Variants in PRKCH observed in about 807,000 individuals in gnomAD.
PRKCH encodes the protein protein kinase C eta type.
PRKCH carries 28 observed loss-of-function variants against 82.5 expected under a neutral mutation model. The ratio of observed to expected loss-of-function variants is 0.34; its 90% CI spans 0.25 to 0.47. The LOEUF (loss-of-function observed/expected upper bound fraction) is 0.47. Ranked by LOEUF, PRKCH falls within the 20% of genes least tolerant of loss-of-function variation. The probability of loss-of-function intolerance (pLI) is 1.00; values close to 1 mark genes in which losing one functional copy is unlikely to be tolerated. For missense variants in PRKCH, 705 were observed against 881.8 expected, an observed-to-expected ratio of 0.80 and a Z score of 2.54; for synonymous variants, 322 against 327.4, an observed-to-expected ratio of 0.98 and a Z score of 0.18.
intron 13 of PRKCH, among the ~76,000 whole-genome samples, chr14:61,549,223 T>C (rs547923539): frequency 6.6e-6 from 1 of 152,316 alleles, no homozygotes; most frequent in East Asian, 1.9e-4. Context: ...AGCTCAGCAC[T>C]TGCAAGAAAT....
At chr14:61,211,483 G>C (rs1472225331) in intron 1 of PRKCH, among the ~76,000 whole-genome samples, 7 of 152,162 alleles carry the variant, frequency 4.6e-5, no homozygotes, top group Non-Finnish European at 1.0e-4. Flanking sequence ...TGGATTGAAA[G>C]TGCCAAGAAA....
At chr14:61,301,271 G>A (rs1295147272) in intron 1 of PRKCH, among the ~76,000 whole-genome samples, 1 of 152,094 alleles carries the variant, frequency 6.6e-6, no homozygotes, top group Non-Finnish European at 1.5e-5. Flanking sequence ...AAATCTGGAA[G>A]GATGAATCAG....
At chr14:61,535,198 A>G (rs1181306163) in intron 12 of PRKCH, among the ~76,000 whole-genome samples, 3 of 152,206 alleles carry the variant, frequency 2.0e-5, no homozygotes, top group Admixed American at 1.3e-4. Context: ...TGGGTTCTGC[A>G]ATACTCAGGT....
chr14:61,421,746 T>C (rs1882844882), intron 2 of PRKCH, among the ~76,000 whole-genome samples: 1 of 152,312 alleles, frequency 6.6e-6, no homozygotes. Flanking sequence ...ATTGGTGATA[T>C]CCCCTAACCC....
At chr14:61,300,122 C>G (rs2045437939) in intron 1 of PRKCH, among the ~76,000 whole-genome samples, 1 of 152,090 alleles carries the variant, frequency 6.6e-6, no homozygotes, top group Non-Finnish European at 1.5e-5. Context: ...TTTCCTTTCT[C>G]TTTTCTATTT....
intron 1 of PRKCH, among the ~76,000 whole-genome samples, chr14:61,388,170 AAAG>A (rs2046618293): frequency 1.3e-5 from 2 of 149,368 alleles, no homozygotes; most frequent in Admixed American, 1.3e-4. Flanking sequence ...AAAAAAAAAG[AAAG>A]AAATCCCCAT....
chr14:61,540,005 A>C (rs1206279766), intron 12 of PRKCH, among the ~76,000 whole-genome samples: 1 of 152,226 alleles, frequency 6.6e-6, no homozygotes, highest in Non-Finnish European at 1.5e-5. Flanking sequence ...TTCTCCCTGA[A>C]ATTATTTCTC....
chr14:61,349,372 G>T (rs1305432889), intron 1 of PRKCH, among the ~76,000 whole-genome samples: 1 of 152,084 alleles, frequency 6.6e-6, no homozygotes, highest in East Asian at 1.9e-4. Flanking sequence ...GGTAGATATT[G>T]TGCCCCATTT....
intron 10 of PRKCH, among the ~76,000 whole-genome samples, chr14:61,513,174 C>G (rs897798140): frequency 1.3e-5 from 2 of 152,216 alleles, no homozygotes; most frequent in Non-Finnish European, 2.9e-5. Flanking sequence ...CCACCACGCG[C>G]AGAACTTTAC....
chr14:61,238,612 T>G (rs1365911529), intron 1 of PRKCH, among the ~76,000 whole-genome samples: 2 of 152,178 alleles, frequency 1.3e-5, no homozygotes, highest in African/African-American at 4.8e-5. Flanking sequence ...ATTTCCACCT[T>G]GCTCAGACAA....
At chr14:61,282,680 A>C (rs1373704891) in intron 1 of PRKCH, among the ~76,000 whole-genome samples, 3 of 152,210 alleles carry the variant, frequency 2.0e-5, no homozygotes, top group Non-Finnish European at 2.9e-5. Context: ...TCAAGTATCA[A>C]ATTGCATTCT....
At chr14:61,392,470 C>T (rs1475528010) in intron 2 of PRKCH, among the ~76,000 whole-genome samples, 4 of 152,126 alleles carry the variant, frequency 2.6e-5, no homozygotes, top group African/African-American at 9.7e-5. Context: ...GAAATTATAT[C>T]CTGTGGGTAA....
At chr14:61,471,200 G>A (rs1885486925) in intron 9 of PRKCH, among the ~76,000 whole-genome samples, 1 of 152,270 alleles carries the variant, frequency 6.6e-6, no homozygotes, top group African/African-American at 2.4e-5. Context: ...CTGCCCCAAG[G>A]CAGCAATCAT....
intron 1 of PRKCH, among the ~76,000 whole-genome samples, chr14:61,336,780 T>A (rs886068824): frequency 6.6e-6 from 1 of 152,100 alleles, no homozygotes; most frequent in Admixed American, 6.6e-5. Context: ...TAAAAGTACG[T>A]CATTAGGGCC....
chr14:61,190,899 A>G (rs1010956219), intron 1 of PRKCH, among the ~76,000 whole-genome samples: 1 of 152,184 alleles, frequency 6.6e-6, no homozygotes, highest in African/African-American at 2.4e-5. Context: ...TAGCACTGAA[A>G]TTATTTATTC....
chr14:61,478,391 T>A (rs1885823157), intron 9 of PRKCH, among the ~76,000 whole-genome samples: 1 of 152,132 alleles, frequency 6.6e-6, no homozygotes, highest in Non-Finnish European at 1.5e-5. Flanking sequence ...ACTTGGGCAC[T>A]GGGCACAAAA....
intron 1 of PRKCH, among the ~76,000 whole-genome samples, chr14:61,359,942 T>A (rs1376213924): frequency 6.6e-6 from 1 of 152,236 alleles, no homozygotes; most frequent in Non-Finnish European, 1.5e-5. Context: ...ATGGATAATA[T>A]CAAAGCCACC....
At chr14:61,524,405 G>A (rs370422399) in intron 10 of PRKCH, among the ~76,000 whole-genome samples, 17 of 152,142 alleles carry the variant, frequency 1.1e-4, no homozygotes, top group South Asian at 6.2e-4. Flanking sequence ...ATTAAATACC[G>A]GTGCTCAATG....
rs1884378642 is a variant in PRKCH, at chr14:61,449,346, C to A, written c.702+94C>A. The A allele has an allele frequency of 5.6e-6, 6 of 1,075,786 alleles. No individual in the cohort carries two copies. The South Asian group carries it at 8.3e-5, about 15-fold the overall frequency. The allele number at this position is 1,075,786 out of a possible 1,614,324, so 66.6% of individuals were successfully genotyped here. The stretch of plus-strand genomic sequence containing the variant: ...TCCCTCCCTCCCTCCTTTCCTCCCC[C>A]TCTTTTCCTTCTCCCCGTCCCCAAA... On this transcript the variant is annotated intron_variant, in intron 5 of 13. Transcript: ENST00000332981.
Sources: gnomAD v4.1 joint callset for allele counts (sites outside exome capture counted in the v4.1 genomes callset) on GRCh38, gnomAD v4.1.1 for gene constraint, MANE v1.5 for transcripts, NCBI Gene and HGNC (gene_info 2026-07-23, HGNC 2026-07-21) for gene names.